Variants in LTBP1 observed in about 807,000 individuals in gnomAD.
LTBP1 encodes the protein latent-transforming growth factor beta-binding protein 1.
LTBP1 carries 129 observed loss-of-function variants against 207.6 expected under a neutral mutation model. The ratio of observed to expected loss-of-function variants is 0.62; its 90% confidence interval spans 0.54 to 0.72. The LOEUF is 0.72. Among genes scored for constraint, LTBP1 ranks in the 30% least tolerant of loss-of-function variants. The pLI, the probability that LTBP1 is intolerant of heterozygous loss-of-function variation, is 0.00. For synonymous variants in LTBP1, 963 were observed against 833.7 expected, an observed-to-expected ratio of 1.16 and a Z score of -2.67; for missense variants, 2,281 against 2,217.2, an observed-to-expected ratio of 1.03 and a Z score of -0.58.
chr2:33,176,450 C>T (rs943319139), intron 5 of LTBP1, among the ~76,000 whole-genome samples: 3 of 152,166 alleles, frequency 2.0e-5, no homozygotes, highest in Admixed American at 1.3e-4. Context: ...TGGTCTCGAT[C>T]TCCTGACTTC....
chr2:33,038,172 G>A (rs368764435), intron 3 of LTBP1, among the ~76,000 whole-genome samples: 20 of 152,306 alleles, frequency 1.3e-4, no homozygotes, highest in Admixed American at 7.2e-4. Flanking sequence ...TAATTTGAAT[G>A]CCAAACCAAC....
intron 3 of LTBP1, among the ~76,000 whole-genome samples, chr2:33,071,427 ACT>A (rs2149746481): frequency 6.6e-6 from 1 of 152,242 alleles, no homozygotes; most frequent in African/African-American, 2.4e-5. Context: ...TCTGCCTTAT[ACT>A]CTAGGGGAGA....
chr2:33,312,264 TAA>T (rs1165406521), intron 23 of LTBP1, among the ~76,000 whole-genome samples: 15 of 152,210 alleles, frequency 9.9e-5, no homozygotes, highest in Admixed American at 5.9e-4. Context: ...CATGTTTGAA[TAA>T]CAGTGTGTGA....
intron 2 of LTBP1, among the ~76,000 whole-genome samples, chr2:33,018,367 T>A (rs1029391095): frequency 2.0e-5 from 3 of 152,052 alleles, no homozygotes; most frequent in African/African-American, 7.2e-5. Flanking sequence ...GAAAACACAT[T>A]TGCAGTGTAC....
At chr2:33,169,159 AT>A (rs1206641391) in intron 5 of LTBP1, among the ~76,000 whole-genome samples, 1 of 152,022 alleles carries the variant, frequency 6.6e-6, no homozygotes, top group Non-Finnish European at 1.5e-5. Context: ...ACCCTATTTC[AT>A]TTTATTGCCC....
At chr2:33,306,933 C>G (rs976844606) in intron 22 of LTBP1, among the ~76,000 whole-genome samples, 1 of 151,934 alleles carries the variant, frequency 6.6e-6, no homozygotes, top group Non-Finnish European at 1.5e-5. Flanking sequence ...ACTAAAAATA[C>G]AAAAATCAGT....
At chr2:33,081,253 G>A (rs2078380530) in intron 3 of LTBP1, among the ~76,000 whole-genome samples, 1 of 152,116 alleles carries the variant, frequency 6.6e-6, no homozygotes, top group Non-Finnish European at 1.5e-5. Context: ...CAGGGGAGAA[G>A]GGCCAGGGAA....
At chr2:33,315,300 G>A in intron 24 of LTBP1, 31 bp downstream of exon 24, 2 of 1,609,254 alleles carry the variant, frequency 1.2e-6, no homozygotes, top group Non-Finnish European at 1.7e-6. Flanking sequence ...TCATATTGTT[G>A]TGTGATAAAA....
intron 9 of LTBP1, among the ~76,000 whole-genome samples, chr2:33,229,278 T>G (rs1225393316): frequency 6.6e-6 from 1 of 152,140 alleles, no homozygotes. Context: ...AAAACCAGCC[T>G]GGGCAACAAA....
intron 26 of LTBP1, among the ~76,000 whole-genome samples, chr2:33,358,462 A>T (rs1340860042): frequency 6.6e-6 from 1 of 151,652 alleles, no homozygotes; most frequent in Non-Finnish European, 1.5e-5. Flanking sequence ...AAATTTATAT[A>T]TATTTATAAT....
intron 5 of LTBP1, among the ~76,000 whole-genome samples, chr2:33,141,377 A>C (rs1269560283): frequency 2.0e-5 from 3 of 152,216 alleles, no homozygotes; most frequent in African/African-American, 7.2e-5. Context: ...ATGTGAACGT[A>C]CTTAGCACTC....
At chr2:33,173,525 C>T (rs1187798045) in intron 5 of LTBP1, among the ~76,000 whole-genome samples, 1 of 152,106 alleles carries the variant, frequency 6.6e-6, no homozygotes, top group Non-Finnish European at 1.5e-5. Flanking sequence ...AGCTTACCAA[C>T]CAAAAAGAGT....
intron 2 of LTBP1, among the ~76,000 whole-genome samples, chr2:32,965,084 A>G (rs1202368787): frequency 6.6e-6 from 1 of 152,148 alleles, no homozygotes; most frequent in Admixed American, 6.6e-5. Context: ...TTACTCCTTC[A>G]GTCTCAGTTG....
chr2:33,241,956 C>T (rs537518375), intron 9 of LTBP1, among the ~76,000 whole-genome samples: 18 of 152,326 alleles, frequency 1.2e-4, no homozygotes, highest in African/African-American at 3.4e-4. Flanking sequence ...AGGTGCTGTA[C>T]TGTGTGCCGT....
At chr2:33,104,747 A>G (rs757110457) in intron 3 of LTBP1, among the ~76,000 whole-genome samples, 17 of 152,136 alleles carry the variant, frequency 1.1e-4, no homozygotes, top group Admixed American at 7.9e-4. Flanking sequence ...GAATGTCACT[A>G]TTCCTAAACT....
chr2:33,262,774 A>C lies in LTBP1; in HGVS notation c.2471A>C (p.Gln824Pro), dbSNP rs770113345. The part of the protein sequence containing the change: ...EKTKLEPGQP[Q>P]LSPGISTIHL... ...ACCAAACTTGAGCCTGGTCAACCCCAGCTGTCTCCAGGCATTTCCACTATT... is the reference window on the plus strand; with the variant it reads ...ACCAAACTTGAGCCTGGTCAACCCCCGCTGTCTCCAGGCATTTCCACTATT... The change falls in exon 14 of 34, where the codon CAG (glutamine) becomes CCG (proline). Residue 824 changes from glutamine (Q) to proline (P), a missense_variant. By Grantham distance (76) the Gln-to-Pro change is moderately conservative. Coordinates refer to ENST00000404816, the MANE Select transcript of LTBP1 (RefSeq NM_206943.4). 4 of 1,607,514 alleles carry C rather than the reference A, an allele frequency of 2.5e-6. No homozygotes were observed. In the East Asian group the frequency reaches 8.9e-5, roughly 36 times the overall value.
intron 23 of LTBP1, among the ~76,000 whole-genome samples, chr2:33,313,467 A>G (rs1436422216): frequency 6.6e-6 from 1 of 152,192 alleles, no homozygotes; most frequent in African/African-American, 2.4e-5. Flanking sequence ...TCAGTGGCTA[A>G]GCGTGTTGTA....
At chr2:33,179,594 A>G (rs991029110) in intron 5 of LTBP1, among the ~76,000 whole-genome samples, 10 of 151,656 alleles carry the variant, frequency 6.6e-5, no homozygotes, top group African/African-American at 2.4e-4. Flanking sequence ...CTCATATGTA[A>G]AAGAAAATCC....
At position 33,300,527 on chromosome 2, in the gene LTBP1, C is replaced by G; in HGVS notation, c.3312C>G (p.Thr1104=). The G allele has an allele frequency of 1.2e-6, 2 of 1,613,734 alleles. No individual in the cohort carries two copies. Among genetic ancestry groups the G allele is most frequent in the Non-Finnish European group, 1.7e-6 (2 of 1,179,754 alleles). ...ATACCGAGGGCTCCTTCAGGTGCAC[C>G]TGTGGACAGGGGTACCAGCTGTCGG... ...CKNTEGSFRC[T]CGQGYQLSAA... The change falls in exon 21 of 34, where the codon ACC becomes ACG. Residue 1104 remains threonine (T), a synonymous_variant. Transcript: ENST00000404816.
Sources: gnomAD v4.1 joint callset for allele counts (sites outside exome capture counted in the v4.1 genomes callset) on GRCh38, gnomAD v4.1.1 for gene constraint, MANE v1.5 for transcripts, NCBI Gene and HGNC (gene_info 2026-07-23, HGNC 2026-07-21) for gene names.